The following SF3A2 variants were observed in gnomAD, a reference collection of about 807,000 sequenced individuals.
The protein encoded by SF3A2 is SAP 62.
SF3A2 carries 5 observed loss-of-function variants against 31.1 expected under a neutral mutation model. The ratio of observed to expected loss-of-function variants is 0.16; its 90% CI spans 0.08 to 0.34. SF3A2 has a LOEUF of 0.34. SF3A2 is among the 10% of genes least tolerant of loss of function. SF3A2 has a pLI of 1.00. For synonymous variants in SF3A2, 365 were observed against 263.7 expected (o/e 1.38, Z -3.72); for missense variants, 577 against 643.9 (o/e 0.90, Z 1.13).
chr19:2,247,760 T>C lies in SF3A2; in HGVS notation c.616-7T>C. 6.2e-7 allele frequency: 1 copy of C among 1,611,680 alleles called. No individual in the cohort carries two copies. Among genetic ancestry groups the C allele is most frequent in the Non-Finnish European group, 8.5e-7 (1 of 1,179,346 alleles). On this transcript the variant is annotated splice_region_variant and splice_polypyrimidine_tract_variant and intron_variant, in intron 8 of 8. Coordinates refer to ENST00000221494, the MANE Select transcript of SF3A2 (RefSeq NM_007165.5). ...CGTGCCTGCTGAACCTTTCTCCGTC[T>C]CTCTAGTTCTTCCTCCAGTTCCACT... is the stretch of plus-strand genomic sequence containing the variant.
At chr19:2,238,796 C>T (rs1344627253) in intron 1 of SF3A2, among the ~76,000 whole-genome samples, 2 of 152,190 alleles carry the variant, frequency 1.3e-5, no homozygotes, top group Non-Finnish European at 2.9e-5. Flanking sequence ...CTCCAAGACC[C>T]CCTTATCCTC....
In SF3A2 at chr19:2,247,834, C is replaced by T; in HGVS notation, c.683C>T (p.Pro228Leu). ...PAPPSLPAGP[P>L]GVKRPPPPLM... is the part of the protein sequence containing the mutation. Reference sequence around the variant, plus strand: ...CCACCCAGCCTCCCTGCTGGCCCCCCTGGGGTGAAGCGGCCTCCACCCCCG... The same window carrying T: ...CCACCCAGCCTCCCTGCTGGCCCCCTTGGGGTGAAGCGGCCTCCACCCCCG... Residue 228 changes from proline to leucine, a missense_variant, in exon 9 of 9, where the codon CCT becomes CTT. Physicochemically the swap from Pro to Leu is moderately conservative, Grantham distance 98 (BLOSUM62 -3). Transcript: ENST00000221494. The T allele has an allele frequency of 1.9e-6, 3 of 1,599,180 alleles. No individual in the cohort carries two copies. Among genetic ancestry groups the T allele is most frequent in the Non-Finnish European group, 2.6e-6 (3 of 1,171,560 alleles).
Position 2,248,164 on chromosome 19 carries a change from CT to C in SF3A2, c.1014del (p.Pro339GlnfsTer107). The C allele has an allele frequency of 6.7e-7, 1 of 1,483,114 alleles. No homozygotes were observed. Among genetic ancestry groups the C allele is most frequent in the Non-Finnish European group, 9.1e-7 (1 of 1,095,800 alleles). The allele number at this position is 1,483,114 out of a possible 1,614,324, so 91.9% of individuals were successfully genotyped here. On this transcript the variant is annotated frameshift_variant, in exon 9 of 9. Coordinates refer to ENST00000221494, the MANE Select transcript of SF3A2 (RefSeq NM_007165.5). LOFTEE classifies it low-confidence loss of function (END_TRUNC). ...GVHPPAPGVHPPAPGVHPPAP... is the reference protein window; with the variant it reads ...GVHPPAPGVHXPAPGVHPPAP... The stretch of plus-strand genomic sequence containing the variant: ...CACCCCCCAGCTCCTGGAGTCCACC[CT>C]CCAGCCCCCGGGGTTCACCCACCAG...
intron 7 of SF3A2, 87 bp from the exon 8 acceptor site, chr19:2,247,506 TG>T: frequency 7.4e-7 from 1 of 1,356,650 alleles, no homozygotes; most frequent in South Asian, 1.2e-5. Context: ...GAGTCCGGGC[TG>T]GGGAGGCTAG....
chr19:2,240,271 G>A (rs1001944209), intron 1 of SF3A2, among the ~76,000 whole-genome samples: 20 of 152,242 alleles, frequency 1.3e-4, no homozygotes, highest in Admixed American at 9.8e-4. Context: ...GCGGCAGGTC[G>A]TGATTCAGTC....
intron 1 of SF3A2, among the ~76,000 whole-genome samples, chr19:2,240,065 A>C (rs552979207): frequency 6.6e-6 from 1 of 152,204 alleles, no homozygotes; most frequent in Non-Finnish European, 1.5e-5. Context: ...AGGGAGGTCA[A>C]CTGCCCAGTG....
rs759626218 is a variant in SF3A2 at position 2,247,577 on chromosome 19, GT to G, written c.547-16del. 5 of 1,612,754 alleles carry G rather than the reference GT, an allele frequency of 3.1e-6. No individual in the cohort carries two copies. In the African/African-American group the frequency reaches 6.7e-5, roughly 22 times the overall value. On this transcript the variant is annotated splice_polypyrimidine_tract_variant and intron_variant, in intron 7 of 8. Transcript: ENST00000221494. The stretch of plus-strand genomic sequence containing the variant: ...GTCACAGGGACCAGGAGCCCTCTCT[GT>G]CCCCCGCCCTCCCAGGTGCCGAGCA...
In SF3A2 at chr19:2,241,269, G is replaced by A. The variant is rs545283548; in HGVS notation, c.-37-2113G>A. ...CCTCCTGGGTTCTTGGAGTGCATCC[G>A]TGAAAGAAGGCCGATTCCCTGCCTT... On this transcript the variant is annotated intron_variant, in intron 1 of 8. Coordinates refer to ENST00000221494, the MANE Select transcript of SF3A2 (RefSeq NM_007165.5). Among the ~76,000 whole-genome samples the A allele has an allele frequency of 6.6e-5, 10 of 152,180 alleles. No homozygotes were observed. In the South Asian group the frequency reaches 1.5e-3, roughly 22 times the overall value.
rs2024927245 is a variant in SF3A2 at position 2,245,870 on chromosome 19, G to A, written c.355+315G>A. On this transcript the variant is annotated intron_variant, in intron 5 of 8. Coordinates refer to ENST00000221494, the MANE Select transcript of SF3A2 (RefSeq NM_007165.5). This position sits in a 1 kb window ranked among gnomAD's most constrained non-coding sequence, Gnocchi z 4.2. ...AAGAGTGGAAGTGGAGGTGTGGTGA[G>A]CCCTGGCACATCCCTCCGGTTAACC... 2.6e-6 allele frequency: 1 copy of A among 391,158 alleles called. No homozygotes were observed. The highest frequency in any genetic ancestry group is 4.7e-6 in the Non-Finnish European group (1 of 212,406). The allele number at this position is 391,158 out of a possible 1,614,324, so 24.2% of individuals were successfully genotyped here.
intron 1 of SF3A2, among the ~76,000 whole-genome samples, chr19:2,240,411 C>T (rs1052831154): frequency 6.6e-6 from 1 of 152,232 alleles, no homozygotes; most frequent in Non-Finnish European, 1.5e-5. Flanking sequence ...GCGATCCGAG[C>T]GTGGGACCTT....
At chr19:2,239,374 AAGAG>A (rs1385473926) in intron 1 of SF3A2, among the ~76,000 whole-genome samples, 6 of 149,314 alleles carry the variant, frequency 4.0e-5, no homozygotes, top group African/African-American at 1.3e-4. Flanking sequence ...AAAAAAAAAA[AAGAG>A]AGAGAAAAAA....
chr19:2,243,773 C>A (rs80297278), intron 2 of SF3A2, among the ~76,000 whole-genome samples: 6,056 of 152,350 alleles, frequency 0.04, 261 homozygotes, highest in African/African-American at 0.11. Flanking sequence ...GTTCTGTCCA[C>A]AGCCTTCTGT....
At chr19:2,241,339 C>T (rs982694665) in intron 1 of SF3A2, among the ~76,000 whole-genome samples, 4 of 152,162 alleles carry the variant, frequency 2.6e-5, no homozygotes, top group African/African-American at 4.8e-5. Flanking sequence ...TGCTGAGATG[C>T]GTGGAGGACT....
At chr19:2,244,660 G>A in intron 3 of SF3A2, 45 bp downstream of exon 3, 1 of 1,611,136 alleles carries the variant, frequency 6.2e-7, no homozygotes, top group Non-Finnish European at 8.5e-7. Flanking sequence ...CGGGCTGAGT[G>A]GCTGACGTCA....
intron 1 of SF3A2, among the ~76,000 whole-genome samples, chr19:2,241,762 C>A (rs765161985): frequency 9.9e-5 from 15 of 152,188 alleles, no homozygotes; most frequent in Non-Finnish European, 1.9e-4. Flanking sequence ...GTGTCACAGT[C>A]TCCTTTTTCA....
intron 2 of SF3A2, among the ~76,000 whole-genome samples, chr19:2,244,031 C>A (rs1282030413): frequency 1.3e-5 from 2 of 152,322 alleles, no homozygotes; most frequent in South Asian, 4.1e-4. Context: ...GTGCCACAGC[C>A]GCAGATGGTG....
intron 2 of SF3A2, among the ~76,000 whole-genome samples, chr19:2,244,119 G>A (rs985024735): frequency 4.6e-5 from 7 of 152,198 alleles, no homozygotes; most frequent in African/African-American, 1.4e-4. Flanking sequence ...GCAGATGGGC[G>A]GGTCTTTGGG....
At chr19:2,247,560 GA>G in intron 7 of SF3A2, 33 bp from the exon 8 acceptor site, 1 of 1,610,774 alleles carries the variant, frequency 6.2e-7, no homozygotes, top group Non-Finnish European at 8.5e-7. Flanking sequence ...AGGTCACAGG[GA>G]CCAGGAGCCC....
rs1043292632 is a variant in SF3A2, at chr19:2,245,672, G to A, written c.355+117G>A. ...CCTCCTCCCTGAGCCACTGTTTTCC[G>A]GCCTTGGTGGCCGTCCCTCACCCAC... is the stretch of plus-strand genomic sequence containing the variant. On this transcript the variant is annotated intron_variant, in intron 5 of 8. Transcript: ENST00000221494. This position sits in a 1 kb window ranked among gnomAD's most constrained non-coding sequence, Gnocchi z 4.2. The A allele has an allele frequency of 2.5e-5, 19 of 763,308 alleles. No homozygotes were observed. Among genetic ancestry groups the A allele is most frequent in the East Asian group, 8.1e-5 (3 of 36,978 alleles). The allele number at this position is 763,308 out of a possible 1,614,324, so 47.3% of individuals were successfully genotyped here.
Sources: gnomAD v4.1 joint callset for allele counts (sites outside exome capture counted in the v4.1 genomes callset) on GRCh38, gnomAD v4.1.1 for gene constraint, Gnocchi (gnomAD v3.1) non-coding constraint, MANE v1.5 for transcripts, NCBI Gene and HGNC (gene_info 2026-07-23, HGNC 2026-07-21) for gene names.